The following DDHD1 variants were observed in gnomAD, a reference collection of about 807,000 sequenced individuals.
The protein encoded by DDHD1 is phospholipase DDHD1.
DDHD1 carries 49 observed loss-of-function variants against 96.4 expected under a neutral mutation model. The observed-to-expected ratio is 0.51, with a 90% confidence interval of 0.40 to 0.64. The LOEUF (loss-of-function observed/expected upper bound fraction) is 0.64. Among genes scored for constraint, DDHD1 ranks in the 30% least tolerant of loss-of-function variants. DDHD1 has a pLI of 0.00. For synonymous variants in DDHD1, 442 were observed against 446.5 expected (o/e 0.99, Z 0.13); for missense variants, 1,106 against 1,161.2 (o/e 0.95, Z 0.69).
Position 53,073,854 on chromosome 14 carries a change from AAAC to A in DDHD1, c.1290-10_1290-8del, listed in dbSNP as rs1454210724. On this transcript the variant is annotated splice_region_variant and splice_polypyrimidine_tract_variant and intron_variant, in intron 4 of 12. Transcript: ENST00000673822. Reference sequence around the variant, plus strand: ...TCTTGCAGCTTCTCTCATCCTAAAAAAACAAACAAACAAAAATGCAAACAAAGC... The same window carrying A: ...TCTTGCAGCTTCTCTCATCCTAAAAAAAACAAACAAAAATGCAAACAAAGC... 2 of 1,602,502 alleles carry A rather than the reference AAAC, an allele frequency of 1.2e-6. No individual in the cohort carries two copies. The highest frequency in any genetic ancestry group is 2.7e-5 in the African/African-American group (2 of 74,462).
chr14:53,083,374 T>A (rs749402696), intron 4 of DDHD1, among the ~76,000 whole-genome samples: 2 of 152,196 alleles, frequency 1.3e-5, no homozygotes, highest in African/African-American at 2.4e-5. Context: ...TCCCTTGTAA[T>A]TAAACTCCAC....
chr14:53,142,735 C>G (rs966744181), intron 1 of DDHD1, among the ~76,000 whole-genome samples: 1 of 152,230 alleles, frequency 6.6e-6, no homozygotes, highest in Non-Finnish European at 1.5e-5. Flanking sequence ...GACTGGTGAA[C>G]TTCTCCCAGG....
At chr14:53,079,649 T>C (rs1181100169) in intron 4 of DDHD1, among the ~76,000 whole-genome samples, 1 of 152,224 alleles carries the variant, frequency 6.6e-6, no homozygotes, top group African/African-American at 2.4e-5. Context: ...TTTGAATCTT[T>C]TTCTCGTTTG....
intron 8 of DDHD1, among the ~76,000 whole-genome samples, chr14:53,059,401 C>A (rs962115008): frequency 6.6e-6 from 1 of 151,744 alleles, no homozygotes; most frequent in African/African-American, 2.4e-5. Flanking sequence ...CCCGCCACCA[C>A]GCCCAGCTAA....
chr14:53,068,384 T>A (rs1010934783), intron 6 of DDHD1, among the ~76,000 whole-genome samples: 1 of 151,392 alleles, frequency 6.6e-6, no homozygotes, highest in African/African-American at 2.4e-5. Flanking sequence ...TAGCTAGGAC[T>A]ACAGCCCAAA....
chr14:53,045,073 C>A lies in DDHD1; in HGVS notation c.*1695G>T, dbSNP rs1348855981. 1 of 152,190 alleles carries A rather than the reference C, an allele frequency of 6.6e-6. No individual in the cohort carries two copies. The highest frequency in any genetic ancestry group is 1.5e-5 in the Non-Finnish European group (1 of 68,056). 9.4% of individuals were successfully genotyped at this position (152,190 alleles called of 1,614,324 possible). On this transcript the variant is annotated 3_prime_UTR_variant, in exon 13 of 13. Coordinates refer to ENST00000673822, the MANE Select transcript of DDHD1 (RefSeq NM_001160148.2). Reference sequence around the variant, plus strand: ...TGTGAGAATCCAAGAACATAGAAATCAAGCAGGGAAACACCGGCTTCATGG... The same window carrying A: ...TGTGAGAATCCAAGAACATAGAAATAAAGCAGGGAAACACCGGCTTCATGG...
chr14:53,089,205 G>A (rs1178926610), intron 4 of DDHD1, among the ~76,000 whole-genome samples: 3 of 152,124 alleles, frequency 2.0e-5, no homozygotes, highest in African/African-American at 7.2e-5. Flanking sequence ...CTCATGAATA[G>A]GAAGAATCAA....
At chr14:53,092,856 AAAG>A (rs1886545502) in intron 3 of DDHD1, 1 of 153,658 alleles carries the variant, frequency 6.5e-6, no homozygotes, top group Non-Finnish European at 1.4e-5. Flanking sequence ...CTTAAAAATA[AAAG>A]AAGAAAAAAA....
chr14:53,073,301 C>T (rs191725054), intron 5 of DDHD1, among the ~76,000 whole-genome samples: 1 of 151,916 alleles, frequency 6.6e-6, no homozygotes, highest in East Asian at 1.9e-4. Context: ...CGAAAAACAA[C>T]AAAGGAAAAC....
At chr14:53,141,416 C>CGAA (rs1890633711) in intron 1 of DDHD1, among the ~76,000 whole-genome samples, 1 of 152,168 alleles carries the variant, frequency 6.6e-6, no homozygotes, top group Non-Finnish European at 1.5e-5. Flanking sequence ...GGTCTTCGAA[C>CGAA]CCCTTGTAAA....
At chr14:53,091,547 G>C (rs572009060) in intron 4 of DDHD1, among the ~76,000 whole-genome samples, 6 of 152,194 alleles carry the variant, frequency 3.9e-5, no homozygotes, top group South Asian at 2.1e-4. Flanking sequence ...ATTAAAAAAG[G>C]CTTCCTTATC....
rs774597836 is a variant in DDHD1 at position 53,043,099 on chromosome 14, C to A, written c.*3669G>T. On this transcript the variant is annotated 3_prime_UTR_variant, in exon 13 of 13. Coordinates refer to ENST00000673822, the MANE Select transcript of DDHD1 (RefSeq NM_001160148.2). ...ATGAACAGAGGCACTAGCTGTGATA[C>A]GGTACTGACAATTTCTTTTCCTTTT... 1 of 152,128 alleles carries A rather than the reference C, an allele frequency of 6.6e-6. No individual in the cohort carries two copies. Among genetic ancestry groups the A allele is most frequent in the Non-Finnish European group, 1.5e-5 (1 of 68,036 alleles). The allele number at this position is 152,128 out of a possible 1,614,324, so 9.4% of individuals were successfully genotyped here.
intron 2 of DDHD1, among the ~76,000 whole-genome samples, chr14:53,094,123 G>A (rs2139683554): frequency 6.6e-6 from 1 of 151,840 alleles, no homozygotes; most frequent in South Asian, 2.1e-4. Flanking sequence ...CTTGCAGTGA[G>A]CCGAGATCAC....
At position 53,040,510 on chromosome 14, in the gene DDHD1, A is replaced by T. The variant is rs955546373; in HGVS notation, c.*6258T>A. On this transcript the variant is annotated 3_prime_UTR_variant, in exon 13 of 13. Transcript: ENST00000673822. ...GGTGAGCAAGATAACAAACGGATCA[A>T]TTCAGCTAGAGAAACACAGTATAAT... 2 of 152,218 alleles carry T rather than the reference A, an allele frequency of 1.3e-5. No individual in the cohort carries two copies. Among genetic ancestry groups the T allele is most frequent in the African/African-American group, 2.4e-5 (1 of 41,466 alleles). 9.4% of individuals were successfully genotyped at this position (152,218 alleles called of 1,614,324 possible). A position where few individuals can be genotyped will look rare whatever the true frequency, so the allele number is the denominator to read the frequency against.
At chr14:53,144,684 A>C (rs962203226) in intron 1 of DDHD1, among the ~76,000 whole-genome samples, 1 of 152,236 alleles carries the variant, frequency 6.6e-6, no homozygotes, top group Non-Finnish European at 1.5e-5. Flanking sequence ...CCTAGTTAGA[A>C]GCAATTCTAC....
At chr14:53,047,131 A>T (rs1882081879) in intron 12 of DDHD1, among the ~76,000 whole-genome samples, 182 bp from the exon 13 acceptor site, 1 of 152,172 alleles carries the variant, frequency 6.6e-6, no homozygotes, top group Non-Finnish European at 1.5e-5. Flanking sequence ...GTAGTACAGG[A>T]TTCTATTTGT....
chr14:53,116,947 C>T (rs181568902), intron 1 of DDHD1, among the ~76,000 whole-genome samples: 68 of 151,982 alleles, frequency 4.5e-4, no homozygotes, highest in African/African-American at 1.6e-3. Flanking sequence ...AAAAGATTAA[C>T]AAAATTGATA....
At chr14:53,069,563 A>G (rs529544921) in intron 6 of DDHD1, among the ~76,000 whole-genome samples, 1 of 152,302 alleles carries the variant, frequency 6.6e-6, no homozygotes, top group African/African-American at 2.4e-5. Flanking sequence ...GTACTGGGAA[A>G]CCAAAAAATT....
rs1283656149 is a variant in DDHD1, at chr14:53,102,982, A to G, written c.1012+701T>C. The G allele has an allele frequency of 3.9e-6, 6 of 1,538,492 alleles. No homozygotes were observed. The South Asian group carries it at 7.3e-5, about 19-fold the overall frequency. ...ATGAAGAAACGGTTTTAGAAGAAAA[A>G]CTTCAGACAAATCTACAAATTCTAA... On this transcript the variant is annotated intron_variant, in intron 2 of 12. Coordinates refer to ENST00000673822, the MANE Select transcript of DDHD1 (RefSeq NM_001160148.2).
Sources: gnomAD v4.1 joint callset for allele counts (sites outside exome capture counted in the v4.1 genomes callset) on GRCh38, gnomAD v4.1.1 for gene constraint, MANE v1.5 for transcripts, NCBI Gene and HGNC (gene_info 2026-07-23, HGNC 2026-07-21) for gene names.